The following PREX1 variants were observed in gnomAD, a reference collection of about 807,000 sequenced individuals.
PREX1 encodes phosphatidylinositol-3,4,5-trisphosphate dependent Rac exchange factor 1, also known as phosphatidylinositol 3,4,5-trisphosphate-dependent Rac exchanger 1 protein.
A neutral mutation model predicts 198.3 loss-of-function variants in PREX1; 41 were observed. The ratio of observed to expected loss-of-function variants is 0.21; its 90% CI spans 0.16 to 0.27. PREX1 has a LOEUF of 0.27. PREX1 is among the 10% of genes least tolerant of loss of function. The probability of loss-of-function intolerance (pLI) is 1.00; values close to 1 mark genes in which losing one functional copy is unlikely to be tolerated. For missense variants in PREX1, 1,620 were observed against 2,200.7 expected (o/e 0.74, Z 5.28); for synonymous variants, 843 against 887.2 (o/e 0.95, Z 0.89).
the PREX1 span, among the ~76,000 whole-genome samples, chr20:48,864,984 G>A: frequency 6.6e-6 from 1 of 152,158 alleles, no homozygotes. Flanking sequence ...TGGGCAGGGA[G>A]AAGCCACACA....
intron 19 of PREX1, among the ~76,000 whole-genome samples, chr20:48,653,886 C>A (rs1250391779): frequency 6.6e-6 from 1 of 152,242 alleles, no homozygotes; most frequent in South Asian, 2.1e-4. Context: ...TGGCCAGAAG[C>A]CAGGATTCCA....
the PREX1 span, among the ~76,000 whole-genome samples, chr20:48,838,433 A>C: frequency 2.0e-4 from 31 of 152,258 alleles, no homozygotes; most frequent in Non-Finnish European, 4.0e-4. Flanking sequence ...TTCGATGCGC[A>C]AAGATGTGCA....
At position 48,625,445 on chromosome 20, in the gene PREX1, A is replaced by C. The variant is rs922307488; in HGVS notation, c.*440T>G. 1.2e-5 allele frequency: 2 copies of C among 164,820 alleles called. No individual in the cohort carries two copies. The highest frequency in any genetic ancestry group is 4.8e-5 in the African/African-American group (2 of 41,638). The allele number at this position is 164,820 out of a possible 1,614,324, so 10.2% of individuals were successfully genotyped here. ...AGGGTTAGGGTGAACCTGGAAGCTA[A>C]GATGAGGAGGAGGAGACACGTGTGG... On this transcript the variant is annotated 3_prime_UTR_variant, in exon 40 of 40. Transcript: ENST00000371941.
the PREX1 span, among the ~76,000 whole-genome samples, chr20:48,836,034 C>T: frequency 1.2e-4 from 19 of 152,124 alleles, no homozygotes; most frequent in African/African-American, 2.7e-4. Context: ...GAGTTAAACA[C>T]GACTCGACTC....
chr20:48,699,469 A>G (rs2089863538), intron 7 of PREX1, among the ~76,000 whole-genome samples: 2 of 152,024 alleles, frequency 1.3e-5, no homozygotes, highest in Non-Finnish European at 1.5e-5. Context: ...GCATCCAACC[A>G]TCAGTTCCCA....
At chr20:48,738,477 C>T (rs1402918719) in intron 3 of PREX1, among the ~76,000 whole-genome samples, 1 of 152,234 alleles carries the variant, frequency 6.6e-6, no homozygotes, top group East Asian at 1.9e-4. Flanking sequence ...ACGCCTGTGT[C>T]CTTTCATCCA....
chr20:48,691,161 T>G lies in PREX1; in HGVS notation c.1037-65A>C. Reference sequence around the variant, plus strand: ...CCGCGTGACCTTCAACACTCCCCATTGCCAAGCCCTTCCGCCCCAGCACAG... The same window carrying G: ...CCGCGTGACCTTCAACACTCCCCATGGCCAAGCCCTTCCGCCCCAGCACAG... On this transcript the variant is annotated intron_variant, in intron 8 of 39. Coordinates refer to ENST00000371941, the MANE Select transcript of PREX1 (RefSeq NM_020820.4). This position sits in a 1 kb window ranked among gnomAD's most constrained non-coding sequence, Gnocchi z 5.0. 1 of 1,602,900 alleles carries G rather than the reference T, an allele frequency of 6.2e-7. No individual in the cohort carries two copies. The highest frequency in any genetic ancestry group is 8.5e-7 in the Non-Finnish European group (1 of 1,171,140).
chr20:48,874,105 T>C, the PREX1 span, among the ~76,000 whole-genome samples: 1 of 152,194 alleles, frequency 6.6e-6, no homozygotes, highest in Non-Finnish European at 1.5e-5. Context: ...CTGACAATTA[T>C]AAGCATCTAG....
chr20:48,710,999 T>C (rs1320689360), intron 5 of PREX1, among the ~76,000 whole-genome samples: 2 of 152,126 alleles, frequency 1.3e-5, no homozygotes, highest in East Asian at 1.9e-4. Context: ...GGGGAGGTGA[T>C]GGGGGTATGA....
At chr20:48,715,153 G>C (rs2089956168) in intron 5 of PREX1, among the ~76,000 whole-genome samples, 1 of 152,220 alleles carries the variant, frequency 6.6e-6, no homozygotes, top group African/African-American at 2.4e-5. Context: ...CCAGAGAAGA[G>C]TATTTCTGGA....
At chr20:48,748,906 A>C (rs908199869) in intron 1 of PREX1, among the ~76,000 whole-genome samples, 1 of 152,178 alleles carries the variant, frequency 6.6e-6, no homozygotes, top group African/African-American at 2.4e-5. Flanking sequence ...TTGGTGAAAA[A>C]GCCCTCTGTT....
chr20:48,647,673 T>G (rs1008890870), intron 25 of PREX1, among the ~76,000 whole-genome samples: 10 of 152,324 alleles, frequency 6.6e-5, no homozygotes, highest in Admixed American at 6.5e-4. Flanking sequence ...TCAGAGTGGT[T>G]AAGTGACTTG....
chr20:48,847,146 A>G, the PREX1 span, among the ~76,000 whole-genome samples: 1 of 152,066 alleles, frequency 6.6e-6, no homozygotes, highest in African/African-American at 2.4e-5. Context: ...TCCCAGACCA[A>G]CAAGACACCT....
chr20:48,631,235 T>C (rs565590040), intron 35 of PREX1, among the ~76,000 whole-genome samples: 34 of 152,342 alleles, frequency 2.2e-4, no homozygotes, highest in African/African-American at 7.7e-4. Context: ...AAAGTCTCGA[T>C]CGCGGCCACT....
chr20:48,830,483 C>T (rs2090534904), upstream of PREX1, among the ~76,000 whole-genome samples: 1 of 152,222 alleles, frequency 6.6e-6, no homozygotes, highest in Admixed American at 6.5e-5. Flanking sequence ...AGTAGGTGCT[C>T]AACAAATGTT....
chr20:48,685,907 A>G (rs1421017906), intron 10 of PREX1, among the ~76,000 whole-genome samples: 1 of 152,146 alleles, frequency 6.6e-6, no homozygotes, highest in Non-Finnish European at 1.5e-5. Context: ...AAACCAAAAG[A>G]TAAATCAGAC....
intron 7 of PREX1, 36 bp from the exon 8 acceptor site, chr20:48,692,826 T>C (rs140408114): frequency 0.011 from 17,293 of 1,550,502 alleles, 188 homozygotes; most frequent in South Asian, 0.033. Flanking sequence ...CCCCTACACG[T>C]CACCTCCCAG....
At chr20:48,752,221 G>C (rs767785494) in intron 1 of PREX1, among the ~76,000 whole-genome samples, 1 of 152,208 alleles carries the variant, frequency 6.6e-6, no homozygotes. Flanking sequence ...CTCCCTGCAA[G>C]GTACTTGGAG....
At chr20:48,880,567 G>A in the PREX1 span, among the ~76,000 whole-genome samples, 2 of 152,132 alleles carry the variant, frequency 1.3e-5, no homozygotes, top group Admixed American at 6.6e-5. Flanking sequence ...CGGGCAGCAA[G>A]AAGAAGGAAA....
Sources: allele counts gnomAD v4.1 joint callset (sites outside exome capture counted in the v4.1 genomes callset), GRCh38; gene constraint gnomAD v4.1.1; non-coding constraint Gnocchi (gnomAD v3.1); transcripts MANE v1.5; gene names NCBI Gene and HGNC (gene_info 2026-07-23, HGNC 2026-07-21).